The following SNX29 variants were observed in gnomAD, a reference collection of about 807,000 sequenced individuals.
The protein encoded by SNX29 is sorting nexin 29, also known as sorting nexin-29.
Under a neutral mutation model 102.1 loss-of-function variants are expected in SNX29, and 78 were observed. That is an observed-to-expected ratio of 0.76 (90% CI 0.64 to 0.92). The LOEUF is 0.92. Ranked by LOEUF, SNX29 falls within the 40% of genes least tolerant of loss-of-function variation. The pLI, the probability that SNX29 is intolerant of heterozygous loss-of-function variation, is 0.00. For missense variants in SNX29, 1,280 were observed against 1,061.7 expected (o/e 1.21, Z -2.86); for synonymous variants, 580 against 414.5 (o/e 1.40, Z -4.85).
chr16:12,437,234 C>T (rs936736182), intron 18 of SNX29, among the ~76,000 whole-genome samples: 10 of 152,250 alleles, frequency 6.6e-5, no homozygotes, highest in African/African-American at 2.4e-4. Flanking sequence ...CATGCTTTCT[C>T]TCTCACTTTG....
intron 10 of SNX29, among the ~76,000 whole-genome samples, chr16:12,078,423 C>T (rs1254066768): frequency 6.6e-6 from 1 of 151,626 alleles, no homozygotes; most frequent in Admixed American, 6.6e-5. Context: ...TACAGTGAGC[C>T]GAGATCACGC....
intron 3 of SNX29, among the ~76,000 whole-genome samples, chr16:12,011,715 G>C (rs2056660981): frequency 6.6e-6 from 1 of 152,138 alleles, no homozygotes; most frequent in South Asian, 2.1e-4. Flanking sequence ...GGAGAGAGGT[G>C]GTGAGCATGG....
intron 16 of SNX29, among the ~76,000 whole-genome samples, chr16:12,370,257 A>G (rs1205166955): frequency 6.6e-6 from 1 of 151,782 alleles, no homozygotes; most frequent in African/African-American, 2.4e-5. Flanking sequence ...AACAAAAAAC[A>G]ATCAACAACA....
chr16:12,276,077 G>C (rs1000439864), intron 14 of SNX29, among the ~76,000 whole-genome samples: 4 of 151,898 alleles, frequency 2.6e-5, no homozygotes, highest in Admixed American at 2.6e-4. Context: ...ATTTTTAGTA[G>C]AGACAGGGTT....
At chr16:12,551,568 C>G (rs1324085169) in intron 20 of SNX29, among the ~76,000 whole-genome samples, 2 of 152,172 alleles carry the variant, frequency 1.3e-5, no homozygotes, top group Non-Finnish European at 2.9e-5. Context: ...TTGAGAAGCC[C>G]TGCTTTCAAA....
chr16:12,280,633 C>T (rs1333627890), intron 15 of SNX29, among the ~76,000 whole-genome samples: 3 of 152,082 alleles, frequency 2.0e-5, no homozygotes, highest in Non-Finnish European at 4.4e-5. Context: ...TTTACTGCAC[C>T]GGATTGATTT....
Position 12,571,531 on chromosome 16 carries a change from AC to A in SNX29, c.*2905del. The A allele has an allele frequency of 1.3e-5, 11 of 855,976 alleles. No homozygotes were observed. Among genetic ancestry groups the A allele is most frequent in the Non-Finnish European group, 1.3e-5 (9 of 688,800 alleles). 53.0% of individuals were successfully genotyped at this position (855,976 alleles called of 1,614,324 possible). A position where few individuals can be genotyped will look rare whatever the true frequency, so the allele number is the denominator to read the frequency against. On this transcript the variant is annotated 3_prime_UTR_variant, in exon 21 of 21. Transcript: ENST00000566228. ...TCAAGGGCCTTGGATTCCTGGGACC[AC>A]CCTTTGCTGGGAGGAAGAATCCACA...
rs1278108964 is a variant in SNX29, at chr16:12,256,554, C to G, written c.1679-21379C>G. ...TGTAGGCCAGGCTGGTCTTGAACTC[C>G]TGACCTCAAGTGATCCGCCTGCTTC... On this transcript the variant is annotated intron_variant, in intron 14 of 20. Transcript: ENST00000566228. Among the ~76,000 whole-genome samples, 6 of 152,164 alleles carry G rather than the reference C, an allele frequency of 3.9e-5. No homozygotes were observed. In the East Asian group the frequency reaches 1.2e-3, roughly 29 times the overall value.
Position 12,512,367 on chromosome 16 carries a change from AAAATATATATATATAT to A in SNX29, c.2179-12333_2179-12318del, listed in dbSNP as rs1293703401. Among the ~76,000 whole-genome samples the A allele has an allele frequency of 9.1e-3, 360 of 39,478 alleles. 12 individuals are homozygous for A. Among genetic ancestry groups the A allele is most frequent in the African/African-American group, 0.02 (190 of 9,736 alleles). The allele number at this position is 39,478 out of a possible 152,430, so 25.9% of individuals were successfully genotyped here. On this transcript the variant is annotated intron_variant, in intron 19 of 20. Transcript: ENST00000566228. ...TACGTCCATCATGGAAGGCCCAGGG[AAAATATATATATATAT>A]ATATATATATATATATATATATATA...
intron 15 of SNX29, among the ~76,000 whole-genome samples, chr16:12,334,419 C>T (rs1196506551): frequency 2.0e-5 from 3 of 152,072 alleles, no homozygotes; most frequent in Admixed American, 6.6e-5. Context: ...CGGGTGCATT[C>T]GAATGTTCTT....
chr16:12,481,568 C>A (rs1421194899), intron 19 of SNX29, among the ~76,000 whole-genome samples: 2 of 148,504 alleles, frequency 1.3e-5, no homozygotes, highest in Non-Finnish European at 3.0e-5. Context: ...CAAATGTCAC[C>A]CTGTCGCCCA....
At chr16:12,540,322 C>T (rs202004744) in intron 20 of SNX29, among the ~76,000 whole-genome samples, 4 of 152,276 alleles carry the variant, frequency 2.6e-5, no homozygotes, top group African/African-American at 9.6e-5. Flanking sequence ...CTTGGGACCA[C>T]AGCTCTTATG....
intron 6 of SNX29, among the ~76,000 whole-genome samples, chr16:12,046,988 T>C (rs543539182): frequency 2.0e-5 from 3 of 152,286 alleles, no homozygotes; most frequent in Middle Eastern, 3.4e-3. Flanking sequence ...AGGTTTTTAG[T>C]TGGGCTTTGG....
intron 19 of SNX29, among the ~76,000 whole-genome samples, chr16:12,482,703 C>T (rs546562320): frequency 4.5e-4 from 68 of 152,342 alleles, no homozygotes; most frequent in Non-Finnish European, 7.3e-4. Flanking sequence ...AAGGAAATAG[C>T]AAGCGTAGTT....
In SNX29 at chr16:12,572,341, C is replaced by A. The variant is rs925025006; in HGVS notation, c.*3712C>A. ...ACAGGAGTGAAGCCCACCAGCCTGC[C>A]TGGTTGATGGACAGCAGGCTCTGCC... On this transcript the variant is annotated 3_prime_UTR_variant, in exon 21 of 21. Coordinates refer to ENST00000566228, the MANE Select transcript of SNX29 (RefSeq NM_032167.5). The A allele has an allele frequency of 1.9e-6, 2 of 1,063,486 alleles. No homozygotes were observed. The highest frequency in any genetic ancestry group is 1.1e-4 in the Admixed American group (2 of 18,704). 65.9% of individuals were successfully genotyped at this position (1,063,486 alleles called of 1,614,324 possible).
chr16:12,003,132 T>C (rs2056347033), intron 3 of SNX29, 89 bp downstream of exon 3: 5 of 1,546,732 alleles, frequency 3.2e-6, no homozygotes, highest in Non-Finnish European at 4.5e-6. Flanking sequence ...ACCATCGAGG[T>C]TGGAAAGGCG....
At chr16:12,546,428 C>G (rs143525052) in intron 20 of SNX29, 2 of 152,092 alleles carry the variant, frequency 1.3e-5, no homozygotes, top group Non-Finnish European at 2.9e-5. Flanking sequence ...ATGGCACCAT[C>G]GATGTGAGCT....
Position 12,277,928 on chromosome 16 carries a change from T to A in SNX29, c.1679-5T>A. 1 of 1,601,606 alleles carries A rather than the reference T, an allele frequency of 6.2e-7. No homozygotes were observed. The highest frequency in any genetic ancestry group is 1.1e-5 in the South Asian group (1 of 88,424). ...TATTTATGACATGTCTCTCTTTCTC[T>A]AAAGTGCCAAATCTTTGGAGTGTTG... On this transcript the variant is annotated splice_region_variant and splice_polypyrimidine_tract_variant and intron_variant, in intron 14 of 20. Transcript: ENST00000566228.
At chr16:12,023,057 C>T (rs2057078071) in intron 3 of SNX29, among the ~76,000 whole-genome samples, 2 of 151,794 alleles carry the variant, frequency 1.3e-5, no homozygotes, top group Non-Finnish European at 2.9e-5. Context: ...CTGTAACGCC[C>T]AGTGAATTTT....
Sources: gnomAD v4.1 joint callset for allele counts (sites outside exome capture counted in the v4.1 genomes callset) on GRCh38, gnomAD v4.1.1 for gene constraint, MANE v1.5 for transcripts, NCBI Gene and HGNC (gene_info 2026-07-23, HGNC 2026-07-21) for gene names.